The following WNK1 variants were observed in gnomAD, a reference collection of about 807,000 sequenced individuals.
The protein encoded by WNK1 is serine/threonine-protein kinase WNK1.
A neutral mutation model predicts 222.8 loss-of-function variants in WNK1; 38 were observed. The ratio of observed to expected loss-of-function variants is 0.17; its 90% confidence interval spans 0.13 to 0.22. The LOEUF (loss-of-function observed/expected upper bound fraction) is 0.22. WNK1 is among the 10% of genes least tolerant of loss of function. The pLI is 1.00. For synonymous variants in WNK1, 1,090 were observed against 1,092.9 expected (o/e 1.00, Z 0.05); for missense variants, 2,348 against 2,918.4 (o/e 0.80, Z 4.50).
Position 883,414 on chromosome 12 carries a change from T to C in WNK1, c.3509T>C (p.Leu1170Pro), listed in dbSNP as rs1482148953. ...ATIMVNNDFI[L>P]AIERESFVDQ... ...TTACAGGTGAACAATGACTTTATTC[T>C]AGCAATAGAGAGAGAGTCGTTTGTG... Residue 1170 changes from leucine to proline, a missense_variant, in exon 16 of 28, where the codon CTA becomes CCA. This residue lies in a region of WNK1 where 1,144 missense variants were observed against 1,273.6 expected (regional missense o/e 0.90). Coordinates refer to ENST00000315939, the MANE Select transcript of WNK1 (RefSeq NM_018979.4). 6 of 1,614,172 alleles carry C rather than the reference T, an allele frequency of 3.7e-6. No individual in the cohort carries two copies. The highest frequency in any genetic ancestry group is 5.1e-6 in the Non-Finnish European group (6 of 1,180,016).
chr12:908,861 G>GGGGGGCC lies in WNK1; in HGVS notation c.*69_*70insGGGGGCC. ...ATGCTGAGGGGGTGGGTGGGGGTGGGAAGTAGCCTATATACTAACTACTAG... is the reference window on the plus strand; with the variant it reads ...ATGCTGAGGGGGTGGGTGGGGGTGGGGGGGGCCAAGTAGCCTATATACTAACTACTAG... On this transcript the variant is annotated 3_prime_UTR_variant, in exon 28 of 28. Coordinates refer to ENST00000315939, the MANE Select transcript of WNK1 (RefSeq NM_018979.4). 1.0e-5 allele frequency: 5 copies of GGGGGGCC among 491,846 alleles called. No individual in the cohort carries two copies. Among genetic ancestry groups the GGGGGGCC allele is most frequent in the African/African-American group, 2.0e-5 (1 of 49,012 alleles). 30.5% of individuals were successfully genotyped at this position (491,846 alleles called of 1,614,324 possible). A position where few individuals can be genotyped will look rare whatever the true frequency, so the allele number is the denominator to read the frequency against.
chr12:833,200 C>A (rs935518747), intron 4 of WNK1, among the ~76,000 whole-genome samples: 2 of 152,196 alleles, frequency 1.3e-5, no homozygotes, highest in African/African-American at 4.8e-5. Context: ...CTTCTTCATT[C>A]CCATTGCCAC....
chr12:769,551 C>T (rs1327638662), intron 1 of WNK1, among the ~76,000 whole-genome samples: 1 of 152,108 alleles, frequency 6.6e-6, no homozygotes, highest in African/African-American at 2.4e-5. Context: ...TTTATGACAT[C>T]CTTACTTTCT....
chr12:761,710 G>C (rs1254155716), intron 1 of WNK1, among the ~76,000 whole-genome samples: 1 of 147,572 alleles, frequency 6.8e-6, no homozygotes, highest in East Asian at 1.9e-4. Context: ...CATTTTCATG[G>C]CTAAGAGTTT....
intron 22 of WNK1, among the ~76,000 whole-genome samples, chr12:891,353 G>A (rs925913925): frequency 1.1e-4 from 16 of 152,204 alleles, no homozygotes; most frequent in African/African-American, 3.9e-4. Flanking sequence ...GGTCAGGCTG[G>A]TCGCAAACTC....
At chr12:860,927 C>CTTT in intron 6 of WNK1, 86 bp from the exon 7 acceptor site, 2 of 969,036 alleles carry the variant, frequency 2.1e-6, no homozygotes, top group Non-Finnish European at 2.9e-6. Flanking sequence ...TTTACAATGC[C>CTTT]TTTTTTTTTT....
At chr12:810,823 T>C (rs1364058454) in intron 1 of WNK1, among the ~76,000 whole-genome samples, 2 of 152,192 alleles carry the variant, frequency 1.3e-5, no homozygotes. Context: ...TACTGAGCAC[T>C]GTAATTTGGG....
intron 1 of WNK1, among the ~76,000 whole-genome samples, chr12:773,610 T>G (rs771496364): frequency 3.9e-5 from 6 of 152,222 alleles, no homozygotes; most frequent in Non-Finnish European, 8.8e-5. Flanking sequence ...TGTTTGCCTG[T>G]TCCTCCCTCT....
chr12:773,190 G>A (rs536085745), intron 1 of WNK1, among the ~76,000 whole-genome samples: 6 of 152,102 alleles, frequency 3.9e-5, no homozygotes, highest in South Asian at 2.1e-4. Context: ...CCCGGGAGGC[G>A]GAGGTTGCGG....
chr12:878,301 A>G lies in WNK1; in HGVS notation c.2313A>G (p.Ala771=), dbSNP rs552615641. The change falls in exon 10 of 28, where the codon GCA becomes GCG. Residue 771 remains alanine, a synonymous_variant. Coordinates refer to ENST00000315939, the MANE Select transcript of WNK1 (RefSeq NM_018979.4). ...QTSTSSEATT[A]QPVSQPQAPQ... ...CAACCTCCAGTGAGGCCACTACTGC[A>G]CAGCCAGTGAGTCAGCCTCAAGCTC... is the stretch of plus-strand genomic sequence containing the variant. 7 of 1,614,022 alleles carry G rather than the reference A, an allele frequency of 4.3e-6. No individual in the cohort carries two copies. The African/African-American group carries it at 9.3e-5, about 22-fold the overall frequency.
chr12:792,691 T>C (rs1234010096), intron 1 of WNK1, among the ~76,000 whole-genome samples: 1 of 152,160 alleles, frequency 6.6e-6, no homozygotes, highest in Admixed American at 6.5e-5. Flanking sequence ...TAAAGCCATA[T>C]AAAAAATTTA....
chr12:786,162 C>T (rs1242721869), intron 1 of WNK1, among the ~76,000 whole-genome samples: 1 of 152,030 alleles, frequency 6.6e-6, no homozygotes, highest in Admixed American at 6.6e-5. Context: ...AATTGTATTG[C>T]TTAAATTCCA....
chr12:909,080 G>C lies in WNK1; in HGVS notation c.*288G>C, dbSNP rs1378176114. The C allele has an allele frequency of 4.8e-6, 2 of 414,966 alleles. No homozygotes were observed. The highest frequency in any genetic ancestry group is 8.9e-6 in the Non-Finnish European group (2 of 224,370). The allele number at this position is 414,966 out of a possible 1,614,324, so 25.7% of individuals were successfully genotyped here. On this transcript the variant is annotated 3_prime_UTR_variant, in exon 28 of 28. Coordinates refer to ENST00000315939, the MANE Select transcript of WNK1 (RefSeq NM_018979.4). ...ACTCAGTAATGAGGATGAGGGCTAG[G>C]AAAGTCTTGTTCATAAGGAAGCTGG...
intron 4 of WNK1, among the ~76,000 whole-genome samples, chr12:842,758 T>C (rs1949724245): frequency 6.6e-6 from 1 of 152,198 alleles, no homozygotes; most frequent in African/African-American, 2.4e-5. Flanking sequence ...AGCAACTGTT[T>C]TCTTGATCTT....
intron 4 of WNK1, among the ~76,000 whole-genome samples, chr12:846,661 C>T (rs1297948428): frequency 6.6e-6 from 1 of 152,090 alleles, no homozygotes; most frequent in Non-Finnish European, 1.5e-5. Flanking sequence ...TTTTTAATTA[C>T]TTTGTTTGTG....
chr12:757,416 C>A (rs533070815), intron 1 of WNK1, among the ~76,000 whole-genome samples: 23 of 148,336 alleles, frequency 1.6e-4, no homozygotes, highest in African/African-American at 5.0e-4. Flanking sequence ...ACCTCCGCCT[C>A]CTGGGTTCAA....
At chr12:781,816 C>CT (rs567165988) in intron 1 of WNK1, among the ~76,000 whole-genome samples, 17 of 149,424 alleles carry the variant, frequency 1.1e-4, no homozygotes, top group African/African-American at 2.2e-4. Flanking sequence ...ATTGAGATAA[C>CT]TTTTTTTTTT....
chr12:839,181 A>G (rs1486569716), intron 4 of WNK1, among the ~76,000 whole-genome samples: 4 of 152,182 alleles, frequency 2.6e-5, no homozygotes, highest in Non-Finnish European at 4.4e-5. Context: ...ATAGTGTTAT[A>G]TATGAAGATG....
At chr12:883,127 A>C (rs1953326093) in intron 15 of WNK1, 68 bp downstream of exon 15, 1 of 1,149,656 alleles carries the variant, frequency 8.7e-7, no homozygotes, top group African/African-American at 1.5e-5. Flanking sequence ...GCTCTAGGCA[A>C]ATATGCCATA....
Sources: gnomAD v4.1 joint callset for allele counts (sites outside exome capture counted in the v4.1 genomes callset) on GRCh38, gnomAD v4.1.1 for gene constraint, gnomAD v4.1.1 regional missense constraint, MANE v1.5 for transcripts, NCBI Gene and HGNC (gene_info 2026-07-23, HGNC 2026-07-21) for gene names.